BSN: variants seen among roughly 807,000 people sequenced by gnomAD.
BSN encodes the protein bassoon presynaptic cytomatrix protein, also known as protein bassoon.
In BSN, 57 loss-of-function variants were observed where a neutral mutation model predicts 264.8. The ratio of observed to expected loss-of-function variants is 0.22; its 90% CI spans 0.17 to 0.27. The LOEUF (loss-of-function observed/expected upper bound fraction) is 0.27, where lower values mean the gene tolerates loss of function less well. Ranked by LOEUF, BSN falls within the 10% of genes least tolerant of loss-of-function variation. BSN has a pLI of 1.00. For missense variants in BSN, 4,615 were observed against 5,232.5 expected (o/e 0.88, Z 3.64); for synonymous variants, 2,059 against 2,137.3 (o/e 0.96, Z 1.01).
intron 1 of BSN, among the ~76,000 whole-genome samples, chr3:49,621,651 G>C (rs1269441748): frequency 6.6e-6 from 1 of 152,156 alleles, no homozygotes; most frequent in Non-Finnish European, 1.5e-5. Flanking sequence ...ATGGGCAAAA[G>C]CCAGGTTGGA....
intron 1 of BSN, among the ~76,000 whole-genome samples, chr3:49,622,716 A>G (rs962586682): frequency 6.6e-6 from 1 of 152,190 alleles, no homozygotes; most frequent in Admixed American, 6.5e-5. Flanking sequence ...AAAAAATGAA[A>G]CTATTAATTT....
At chr3:49,579,711 G>A (rs1264097963) in intron 1 of BSN, among the ~76,000 whole-genome samples, 5 of 151,424 alleles carry the variant, frequency 3.3e-5, no homozygotes, top group African/African-American at 9.7e-5. Context: ...GTGAGCCACC[G>A]CACCTGGCTA....
intron 3 of BSN, among the ~76,000 whole-genome samples, chr3:49,648,379 C>A (rs906740529): frequency 2.0e-5 from 3 of 152,246 alleles, no homozygotes; most frequent in African/African-American, 7.2e-5. Context: ...CTTGGGCCAG[C>A]CCACTGGGCC....
intron 1 of BSN, among the ~76,000 whole-genome samples, chr3:49,601,646 G>C (rs1374864326): frequency 2.6e-5 from 4 of 152,198 alleles, no homozygotes; most frequent in African/African-American, 9.7e-5. Context: ...TCTTACTGAA[G>C]CTGCTCCATG....
chr3:49,575,492 A>G lies in BSN; in HGVS notation c.224+20666A>G, dbSNP rs532065304. The stretch of plus-strand genomic sequence containing the variant: ...TATATGTGTATATATGTAAATATAT[A>G]TGTGTGTGTATATATATGTAAATAT... On this transcript the variant is annotated intron_variant, in intron 1 of 11. Transcript: ENST00000296452. Among the ~76,000 whole-genome samples, 613 of 147,412 alleles carry G rather than the reference A, an allele frequency of 4.2e-3. 4 individuals carry two copies. Among genetic ancestry groups the G allele is most frequent in the African/African-American group, 0.014 (573 of 40,400 alleles).
In BSN at chr3:49,657,123, C is replaced by T. The variant is rs1236344620; in HGVS notation, c.7567C>T (p.Arg2523Cys). 7 of 1,612,710 alleles carry T rather than the reference C, an allele frequency of 4.3e-6. No individual in the cohort carries two copies. Among genetic ancestry groups the T allele is most frequent in the Admixed American group, 1.7e-5 (1 of 60,008 alleles). ...MAGPEGLGQP[R>C]EPVLHRGLPS... is the part of the protein sequence containing the mutation. Reference sequence around the variant, plus strand: ...AGGGCCTGAAGGACTTGGGCAGCCTCGTGAGCCTGTGCTGCACCGGGGTCT... The same window carrying T: ...AGGGCCTGAAGGACTTGGGCAGCCTTGTGAGCCTGTGCTGCACCGGGGTCT... The change falls in exon 5 of 12, where the codon CGT (arginine) becomes TGT (cysteine). Residue 2523 changes from arginine (R) to cysteine (C), a missense_variant. By Grantham distance (180) the Arg-to-Cys change is radical. This residue lies in a region of BSN where 3,415 missense variants were observed against 3,866.4 expected (regional missense o/e 0.88). Coordinates refer to ENST00000296452, the MANE Select transcript of BSN (RefSeq NM_003458.4).
intron 2 of BSN, among the ~76,000 whole-genome samples, chr3:49,635,810 A>T (rs1176920819): frequency 6.6e-6 from 1 of 151,978 alleles, no homozygotes; most frequent in African/African-American, 2.4e-5. Flanking sequence ...CCCTGTCTCT[A>T]CCAAAAAAAA....
In BSN at chr3:49,652,370, C is replaced by G; in HGVS notation, c.2814C>G (p.Ser938Arg). 1 of 1,607,470 alleles carries G rather than the reference C, an allele frequency of 6.2e-7. No individual in the cohort carries two copies. Among genetic ancestry groups the G allele is most frequent in the Non-Finnish European group, 8.5e-7 (1 of 1,176,680 alleles). ...GCTTCAAGACCATTGAGCTCAACAG[C>G]ACGGGAAGTTATGGTCATGAGTTGG... ...LRRFKTIELN[S>R]TGSYGHELDL... The change falls in exon 5 of 12, where the codon AGC (serine) becomes AGG (arginine). Residue 938 changes from serine (S) to arginine (R), a missense_variant. Ser to Arg is a moderately radical substitution (Grantham distance 110). This residue lies in a region of BSN where 1,197 missense variants were observed against 1,348.0 expected (regional missense o/e 0.89). Transcript: ENST00000296452.
intron 1 of BSN, among the ~76,000 whole-genome samples, chr3:49,606,280 A>ATACATATT (rs796382035): frequency 3.6e-4 from 3 of 8,260 alleles, no homozygotes; most frequent in Non-Finnish European, 7.6e-4. Context: ...ATATATTAAA[A>ATACATATT]ATATATATTA....
At chr3:49,643,546 C>G (rs936535672) in intron 3 of BSN, among the ~76,000 whole-genome samples, 1 of 152,140 alleles carries the variant, frequency 6.6e-6, no homozygotes, top group Non-Finnish European at 1.5e-5. Context: ...GGGTGGGGAT[C>G]GAATGGCCAT....
In BSN at chr3:49,651,452, TC is replaced by T. The variant is rs1341180944; in HGVS notation, c.1987-87del. ...AACCCTTGGGAAATGGACAGACTCT[TC>T]CCCAGGGTCCTGGGATTGACAGGGA... On this transcript the variant is annotated intron_variant, in intron 4 of 11. Transcript: ENST00000296452. This position sits in a 1 kb window ranked among gnomAD's most constrained non-coding sequence, Gnocchi z 5.4. 1.5e-6 allele frequency: 2 copies of T among 1,374,620 alleles called. No homozygotes were observed. Among genetic ancestry groups the T allele is most frequent in the African/African-American group, 2.9e-5 (2 of 68,892 alleles). 85.2% of individuals were successfully genotyped at this position (1,374,620 alleles called of 1,614,324 possible).
intron 2 of BSN, among the ~76,000 whole-genome samples, chr3:49,637,458 G>C (rs572336002): frequency 9.8e-4 from 149 of 152,292 alleles, no homozygotes; most frequent in South Asian, 1.9e-3. Context: ...GCTCTTCCCA[G>C]AACTGCCCTC....
At chr3:49,564,371 T>C (rs2051737461) in intron 1 of BSN, among the ~76,000 whole-genome samples, 1 of 152,232 alleles carries the variant, frequency 6.6e-6, no homozygotes, top group African/African-American at 2.4e-5. Context: ...AGTGTGAATC[T>C]GTGGAGGCCT....
At chr3:49,589,081 A>ATTTTTT (rs2051957255) in intron 1 of BSN, among the ~76,000 whole-genome samples, 5 of 29,470 alleles carry the variant, frequency 1.7e-4, no homozygotes, top group Admixed American at 9.0e-4. Flanking sequence ...CGCCTGGCTA[A>ATTTTTT]ATTTTTTTTT....
chr3:49,618,321 TC>T (rs2052277427), intron 1 of BSN, among the ~76,000 whole-genome samples: 3 of 152,286 alleles, frequency 2.0e-5, no homozygotes, highest in Admixed American at 2.0e-4. Flanking sequence ...CTCCCTGGAT[TC>T]CCCATCTCAA....
At chr3:49,563,018 G>C (rs1169399440) in intron 1 of BSN, among the ~76,000 whole-genome samples, 1 of 152,178 alleles carries the variant, frequency 6.6e-6, no homozygotes, top group Non-Finnish European at 1.5e-5. Context: ...TGTGTAAAAA[G>C]GAAGGGTGAT....
At chr3:49,621,115 C>T (rs2052302521) in intron 1 of BSN, among the ~76,000 whole-genome samples, 1 of 152,070 alleles carries the variant, frequency 6.6e-6, no homozygotes, top group African/African-American at 2.4e-5. Context: ...GACTAGGAGG[C>T]CCACATTTAG....
Position 49,657,656 on chromosome 3 carries a change from C to A in BSN, c.8100C>A (p.Ile2700=). 1.3e-6 allele frequency: 2 copies of A among 1,586,788 alleles called. No homozygotes were observed. The highest frequency in any genetic ancestry group is 1.7e-4 in the Middle Eastern group (1 of 5,936). Residue 2700 remains isoleucine (I), a synonymous_variant, in exon 5 of 12, where the codon ATC becomes ATA. Transcript: ENST00000296452. ...ITAATDPKVE[I]VRYISAPEKT... ...CTGCCACCGATCCCAAGGTGGAGAT[C>A]GTCAGGTACATATCGGCGCCAGAGA...
chr3:49,655,945 A>C lies in BSN; in HGVS notation c.6389A>C (p.Gln2130Pro), dbSNP rs1181837506. Residue 2130 changes from glutamine (Q) to proline (P), a missense_variant, in exon 5 of 12, where the codon CAG becomes CCG. By Grantham distance (76) the Gln-to-Pro change is moderately conservative. Transcript: ENST00000296452. Reference protein sequence around the residue: ...GGPDLVQYQPQHGPGLSAPQS... With the variant: ...GGPDLVQYQPPHGPGLSAPQS... ...CCTGACCTTGTGCAGTACCAGCCCC[A>C]GCACGGGCCCGGGCTCAGTGCTCCA... The C allele has an allele frequency of 6.2e-7, 1 of 1,611,094 alleles. No individual in the cohort carries two copies. Among genetic ancestry groups the C allele is most frequent in the Admixed American group, 1.7e-5 (1 of 60,018 alleles).
Sources: allele counts gnomAD v4.1 joint callset (sites outside exome capture counted in the v4.1 genomes callset), GRCh38; gene constraint gnomAD v4.1.1; regional missense constraint gnomAD v4.1.1; non-coding constraint Gnocchi (gnomAD v3.1); transcripts MANE v1.5; gene names NCBI Gene and HGNC (gene_info 2026-07-23, HGNC 2026-07-21).